The following RAP1GAP2 variants were observed in gnomAD, a reference collection of about 807,000 sequenced individuals.
The protein encoded by RAP1GAP2 is RAP1 GTPase activating protein 2, also known as rap1 GTPase-activating protein 2.
A neutral mutation model predicts 95.0 loss-of-function variants in RAP1GAP2; 27 were observed. The ratio of observed to expected loss-of-function variants is 0.28; its 90% CI spans 0.21 to 0.39. The LOEUF (loss-of-function observed/expected upper bound fraction) is 0.39, where lower values mean the gene tolerates loss of function less well. Among genes scored for constraint, RAP1GAP2 ranks in the 10% least tolerant of loss-of-function variants. The pLI is 1.00. For synonymous variants in RAP1GAP2, 373 were observed against 380.9 expected, an observed-to-expected ratio of 0.98 and a Z score of 0.24; for missense variants, 771 against 970.0, an observed-to-expected ratio of 0.79 and a Z score of 2.72.
chr17:2,991,434 A>G, intron 12 of RAP1GAP2, 37 bp downstream of exon 12: 6 of 1,493,356 alleles, frequency 4.0e-6, no homozygotes, highest in Non-Finnish European at 5.5e-6. Flanking sequence ...AGCTCCATCA[A>G]CAAGGGCACT....
chr17:2,841,831 G>T (rs2071385262), intron 2 of RAP1GAP2, among the ~76,000 whole-genome samples: 1 of 152,130 alleles, frequency 6.6e-6, no homozygotes. Flanking sequence ...GCTACCCCAG[G>T]GACGGGTGTG....
At chr17:2,919,057 C>T (rs1028299551) in intron 3 of RAP1GAP2, among the ~76,000 whole-genome samples, 1 of 152,150 alleles carries the variant, frequency 6.6e-6, no homozygotes, top group Non-Finnish European at 1.5e-5. Context: ...GATTTCTGCC[C>T]TGCCAGGTGC....
chr17:2,991,878 C>T (rs1597813866), intron 12 of RAP1GAP2, among the ~76,000 whole-genome samples: 2 of 152,316 alleles, frequency 1.3e-5, no homozygotes, highest in East Asian at 1.9e-4. Flanking sequence ...GATTCTCCTG[C>T]CTCGGCCTCC....
chr17:2,760,292 CAAAAAAA>C (rs374784170), intron 1 of RAP1GAP2, among the ~76,000 whole-genome samples: 1 of 59,270 alleles, frequency 1.7e-5, no homozygotes, highest in Non-Finnish European at 3.3e-5. Context: ...GACTCTGTCT[CAAAAAAA>C]AAAAAAAAAA....
In RAP1GAP2 at chr17:2,797,821, T is replaced by A. The variant is rs1285000259; in HGVS notation, c.44+1250T>A. 1.0e-6 allele frequency: 1 copy of A among 979,948 alleles called. No individual in the cohort carries two copies. The highest frequency in any genetic ancestry group is 1.8e-5 in the African/African-American group (1 of 57,102). The allele number at this position is 979,948 out of a possible 1,614,324, so 60.7% of individuals were successfully genotyped here. A position where few individuals can be genotyped will look rare whatever the true frequency, so the allele number is the denominator to read the frequency against. ...TCCGGGAGGCAGCAGAGGACTTGGCTTCTGGTTGGGAGGGGTGTGTGTGTC... is the reference window on the plus strand; with the variant it reads ...TCCGGGAGGCAGCAGAGGACTTGGCATCTGGTTGGGAGGGGTGTGTGTGTC... On this transcript the variant is annotated intron_variant, in intron 1 of 24. Transcript: ENST00000254695. The surrounding 1 kb of genome is among the most constrained non-coding windows in gnomAD (Gnocchi z 5.6).
At chr17:2,933,458 G>C (rs1413597476) in intron 3 of RAP1GAP2, among the ~76,000 whole-genome samples, 1 of 152,238 alleles carries the variant, frequency 6.6e-6, no homozygotes, top group African/African-American at 2.4e-5. Context: ...ATTTTCCAGG[G>C]ACAAGGAAGC....
At chr17:2,973,921 T>G (rs888489536) in intron 8 of RAP1GAP2, among the ~76,000 whole-genome samples, 1 of 152,120 alleles carries the variant, frequency 6.6e-6, no homozygotes, top group Non-Finnish European at 1.5e-5. Context: ...TAAAAGAATT[T>G]TAAAAGCTGT....
rs1464172960 is a variant in RAP1GAP2 at position 2,906,724 on chromosome 17, G to A, written c.165+1356G>A. On this transcript the variant is annotated intron_variant, in intron 3 of 24. Transcript: ENST00000254695. This position sits in a 1 kb window ranked among gnomAD's most constrained non-coding sequence, Gnocchi z 4.3. ...TGGGATGCTTGTCTCTGTCCTCACA[G>A]ATGGCAGGAGTTTGCAGGGAGAAGT... is the stretch of plus-strand genomic sequence containing the variant. Among the ~76,000 whole-genome samples the A allele has an allele frequency of 6.6e-6, 1 of 152,160 alleles. No homozygotes were observed. Among genetic ancestry groups the A allele is most frequent in the Non-Finnish European group, 1.5e-5 (1 of 68,030 alleles).
At chr17:2,939,246 T>C (rs1220405097) in intron 3 of RAP1GAP2, among the ~76,000 whole-genome samples, 2 of 152,010 alleles carry the variant, frequency 1.3e-5, no homozygotes, top group Non-Finnish European at 2.9e-5. Flanking sequence ...TGCGCCACCA[T>C]ACCCAGCTAA....
upstream of RAP1GAP2, among the ~76,000 whole-genome samples, chr17:2,792,694 G>A (rs2068956536): frequency 6.6e-6 from 1 of 152,244 alleles, no homozygotes; most frequent in African/African-American, 2.4e-5. Context: ...GGCCAGTCCT[G>A]CTCCTTGGCC....
At chr17:2,898,068 G>A (rs2041898769) in intron 2 of RAP1GAP2, among the ~76,000 whole-genome samples, 1 of 151,944 alleles carries the variant, frequency 6.6e-6, no homozygotes, top group Admixed American at 6.6e-5. Flanking sequence ...CTACAGGCAT[G>A]CACCTGGCTC....
upstream of RAP1GAP2, among the ~76,000 whole-genome samples, chr17:2,793,596 G>A (rs1294751286): frequency 2.0e-5 from 3 of 152,370 alleles, no homozygotes; most frequent in Admixed American, 6.5e-5. Context: ...TGTCAGCGGC[G>A]GGAGGCCAGG....
At chr17:2,947,328 A>T (rs778157503) in intron 3 of RAP1GAP2, among the ~76,000 whole-genome samples, 52 of 152,018 alleles carry the variant, frequency 3.4e-4, no homozygotes, top group Admixed American at 9.8e-4. Flanking sequence ...TATTGGGAGC[A>T]CCCACTGGGC....
intron 2 of RAP1GAP2, among the ~76,000 whole-genome samples, chr17:2,847,197 C>CG (rs1232101114): frequency 2.6e-5 from 4 of 152,090 alleles, no homozygotes; most frequent in Non-Finnish European, 4.4e-5. Context: ...TGAGTAGAGA[C>CG]GGGGTTTCAC....
chr17:2,993,472 C>G (rs1177787006), intron 12 of RAP1GAP2, among the ~76,000 whole-genome samples: 2 of 151,738 alleles, frequency 1.3e-5, no homozygotes, highest in Non-Finnish European at 2.9e-5. Context: ...ACTTGGGAGG[C>G]TGAGGCAGGA....
At chr17:2,986,862 G>T (rs2045574605) in intron 11 of RAP1GAP2, among the ~76,000 whole-genome samples, 1 of 152,216 alleles carries the variant, frequency 6.6e-6, no homozygotes, top group South Asian at 2.1e-4. Context: ...TCTAGTGGGA[G>T]ATGTAGTTTG....
At chr17:2,966,081 G>A (rs7342939) in intron 8 of RAP1GAP2, among the ~76,000 whole-genome samples, 5,381 of 152,258 alleles carry the variant, frequency 0.035, 295 homozygotes, top group African/African-American at 0.12. Flanking sequence ...TATGGGCTGG[G>A]TTCCCTGAGA....
At chr17:2,921,596 T>TGCAGGGTCGTTAAGGTGTCA (rs1555569314) in intron 3 of RAP1GAP2, among the ~76,000 whole-genome samples, 9 of 149,306 alleles carry the variant, frequency 6.0e-5, no homozygotes, top group East Asian at 2.0e-4. Flanking sequence ...TTAAGGTGTC[T>TGCAGGGTCGTTAAGGTGTCA]GCAGGGTCGT....
chr17:2,769,415 C>T (rs1340284523), intron 1 of RAP1GAP2, among the ~76,000 whole-genome samples: 5 of 151,198 alleles, frequency 3.3e-5, no homozygotes, highest in African/African-American at 7.3e-5. Flanking sequence ...ATTAGCCGGG[C>T]GTGGCGGTGG....
Sources: gnomAD v4.1 joint callset for allele counts (sites outside exome capture counted in the v4.1 genomes callset) on GRCh38, gnomAD v4.1.1 for gene constraint, Gnocchi (gnomAD v3.1) non-coding constraint, MANE v1.5 for transcripts, NCBI Gene and HGNC (gene_info 2026-07-23, HGNC 2026-07-21) for gene names.